The following DLC1 variants were observed in gnomAD, a reference collection of about 807,000 sequenced individuals.
DLC1 encodes rho GTPase-activating protein 7.
A neutral mutation model predicts 140.3 loss-of-function variants in DLC1; 54 were observed. The ratio of observed to expected loss-of-function variants is 0.38; its 90% CI spans 0.31 to 0.48. The LOEUF is 0.48. Among genes scored for constraint, DLC1 ranks in the 20% least tolerant of loss-of-function variants. The pLI is 0.96. For missense variants in DLC1, 2,536 were observed against 1,907.0 expected (o/e 1.33, Z -6.14); for synonymous variants, 986 against 728.1 (o/e 1.35, Z -5.70).
chr8:13,524,361 C>G (rs757152964), intron 1 of DLC1, among the ~76,000 whole-genome samples: 18 of 152,128 alleles, frequency 1.2e-4, no homozygotes, highest in Non-Finnish European at 1.2e-4. Flanking sequence ...TGATCTCCAG[C>G]TCCTGACCTC....
At chr8:13,137,165 A>G (rs1019872628) in intron 5 of DLC1, among the ~76,000 whole-genome samples, 8 of 152,198 alleles carry the variant, frequency 5.3e-5, no homozygotes, top group African/African-American at 1.9e-4. Context: ...AAGAGTGTCA[A>G]CAAACAGTGG....
intron 1 of DLC1, among the ~76,000 whole-genome samples, chr8:13,591,851 A>T (rs767505863): frequency 7.2e-4 from 109 of 152,148 alleles, no homozygotes; most frequent in Non-Finnish European, 1.2e-3. Context: ...ATACACTGAG[A>T]TGGAGGAAAT....
At chr8:13,383,470 C>T (rs1836366237) in intron 4 of DLC1, among the ~76,000 whole-genome samples, 1 of 152,202 alleles carries the variant, frequency 6.6e-6, no homozygotes, top group Non-Finnish European at 1.5e-5. Flanking sequence ...TTAACAAAAT[C>T]TTGAACTTTG....
chr8:13,263,927 A>G (rs1390630572), intron 5 of DLC1, among the ~76,000 whole-genome samples: 4 of 151,982 alleles, frequency 2.6e-5, no homozygotes, highest in Non-Finnish European at 2.9e-5. Flanking sequence ...GACATTGACA[A>G]TAATATTCAT....
intron 1 of DLC1, among the ~76,000 whole-genome samples, chr8:13,586,588 T>C (rs1006493234): frequency 6.0e-5 from 4 of 66,620 alleles, no homozygotes; most frequent in African/African-American, 2.2e-4. Context: ...CAGATGCACA[T>C]GCACACACAC....
intron 7 of DLC1, among the ~76,000 whole-genome samples, chr8:13,103,721 G>C (rs1413109088): frequency 2.6e-5 from 4 of 151,418 alleles, no homozygotes; most frequent in African/African-American, 9.7e-5. Flanking sequence ...TGCCTGTAAT[G>C]CCAGCTACTC....
At position 13,130,739 on chromosome 8, in the gene DLC1, C is replaced by A. The variant is rs561892857; in HGVS notation, c.1349-15082G>T. On this transcript the variant is annotated intron_variant, in intron 5 of 17. Coordinates refer to ENST00000276297, the MANE Select transcript of DLC1 (RefSeq NM_182643.3). Reference sequence around the variant, plus strand: ...TCACCAAAACCACTTTTCTCACCCACTCCAGGGAAAGATTTAAGTTGGAAA... The same window carrying A: ...TCACCAAAACCACTTTTCTCACCCAATCCAGGGAAAGATTTAAGTTGGAAA... Among the ~76,000 whole-genome samples the A allele has an allele frequency of 1.4e-4, 22 of 152,364 alleles. No homozygotes were observed. The South Asian group carries it at 4.3e-3, about 30-fold the overall frequency.
chr8:13,512,549 A>G (rs1047576010), intron 1 of DLC1, among the ~76,000 whole-genome samples: 7 of 152,160 alleles, frequency 4.6e-5, no homozygotes, highest in Non-Finnish European at 8.8e-5. Flanking sequence ...AAATGTAAAC[A>G]TATTTTTTAT....
chr8:13,187,663 A>G (rs1309089210), intron 5 of DLC1, among the ~76,000 whole-genome samples: 2 of 152,226 alleles, frequency 1.3e-5, no homozygotes, highest in East Asian at 1.9e-4. Flanking sequence ...GTGGGAAGCA[A>G]TCTATGCTGG....
At position 13,410,790 on chromosome 8, in the gene DLC1, G is replaced by A. The variant is rs543941329; in HGVS notation, c.1024-9171C>T. Among the ~76,000 whole-genome samples the A allele has an allele frequency of 1.1e-4, 17 of 152,188 alleles. No individual in the cohort carries two copies. The South Asian group carries it at 2.9e-3, about 26-fold the overall frequency. On this transcript the variant is annotated intron_variant, in intron 2 of 17. Coordinates refer to ENST00000276297, the MANE Select transcript of DLC1 (RefSeq NM_182643.3). ...GTACTCTCTGTTTCCCCACTAGATCGTCAGCCCCACAAGGGTAATCACGGT... is the reference window on the plus strand; with the variant it reads ...GTACTCTCTGTTTCCCCACTAGATCATCAGCCCCACAAGGGTAATCACGGT...
At chr8:13,145,107 A>G (rs1321241812) in intron 5 of DLC1, among the ~76,000 whole-genome samples, 1 of 152,194 alleles carries the variant, frequency 6.6e-6, no homozygotes, top group South Asian at 2.1e-4. Flanking sequence ...CTGAGGAGAA[A>G]TCATACTGAA....
intron 1 of DLC1, among the ~76,000 whole-genome samples, chr8:13,521,131 C>T (rs1802753051): frequency 1.3e-5 from 2 of 151,990 alleles, no homozygotes; most frequent in South Asian, 4.2e-4. Flanking sequence ...AGCCATAATC[C>T]TCAGCAAACT....
At chr8:13,360,158 C>G (rs898014122) in intron 4 of DLC1, among the ~76,000 whole-genome samples, 1 of 152,090 alleles carries the variant, frequency 6.6e-6, no homozygotes, top group African/African-American at 2.4e-5. Flanking sequence ...TTCTAGTTTC[C>G]TCTTCTGTAA....
At chr8:13,588,535 T>TG (rs576191555) in intron 1 of DLC1, among the ~76,000 whole-genome samples, 1 of 152,094 alleles carries the variant, frequency 6.6e-6, no homozygotes, top group Non-Finnish European at 1.5e-5. Flanking sequence ...AATTATAGCC[T>TG]GGGGGTACAG....
chr8:13,350,669 T>C (rs536658923), intron 4 of DLC1, among the ~76,000 whole-genome samples: 1 of 152,196 alleles, frequency 6.6e-6, no homozygotes, highest in African/African-American at 2.4e-5. Flanking sequence ...TGAGCCTAGA[T>C]GGCACCACTG....
chr8:13,115,265 G>A (rs1013747415), intron 6 of DLC1, among the ~76,000 whole-genome samples: 4 of 152,086 alleles, frequency 2.6e-5, no homozygotes, highest in African/African-American at 9.7e-5. Flanking sequence ...TTTTATAAAC[G>A]TAAAAATTAC....
Position 13,575,159 on chromosome 8 carries a change from C to G in DLC1, c.-126+29378G>C, listed in dbSNP as rs927087761. ...TACAGCGAAAATTGCAAACTTACAT[C>G]AAAGTGTCTTATGCAATCATAAGCC... On this transcript the variant is annotated intron_variant, in intron 1 of 1. Transcript: ENST00000631382. 5.3e-4 allele frequency among the ~76,000 whole-genome samples: 80 copies of G among 152,140 alleles called. 1 individual carries two copies. The highest frequency in any genetic ancestry group is 1.6e-4 in the Non-Finnish European group (11 of 68,030).
intron 1 of DLC1, chr8:13,567,768 A>G (rs1361423250): frequency 6.4e-7 from 1 of 1,551,988 alleles, no homozygotes; most frequent in Non-Finnish European, 8.7e-7. Flanking sequence ...ATGACCCCAG[A>G]ATAATCTGGA....
chr8:13,219,164 A>G (rs1312279562), intron 5 of DLC1, among the ~76,000 whole-genome samples: 1 of 55,190 alleles, frequency 1.8e-5, no homozygotes, highest in Non-Finnish European at 3.5e-5. Flanking sequence ...TTATATGAAT[A>G]TAACTATATA....
Sources: gnomAD v4.1 joint callset for allele counts (sites outside exome capture counted in the v4.1 genomes callset) on GRCh38, gnomAD v4.1.1 for gene constraint, MANE v1.5 for transcripts, NCBI Gene and HGNC (gene_info 2026-07-23, HGNC 2026-07-21) for gene names.